The following THSD4 variants were observed in gnomAD, a reference collection of about 807,000 sequenced individuals.
THSD4 encodes the protein thrombospondin type-1 domain-containing protein 4.
THSD4 carries 69 observed loss-of-function variants against 119.0 expected under a neutral mutation model. The observed-to-expected ratio is 0.58, with a 90% confidence interval of 0.48 to 0.71. The LOEUF is 0.71. THSD4 is among the 30% of genes least tolerant of loss of function. THSD4 has a pLI of 0.00. For synonymous variants in THSD4, 524 were observed against 540.4 expected (o/e 0.97, Z 0.42); for missense variants, 1,393 against 1,391.1 (o/e 1.00, Z -0.02).
At chr15:71,332,891 C>CGTTTTTTTTTTTTTTTTTTTTTTTTT (rs1184457820) in intron 6 of THSD4, among the ~76,000 whole-genome samples, 1 of 38,034 alleles carries the variant, frequency 2.6e-5, no homozygotes, top group Non-Finnish European at 5.7e-5. Context: ...GATTTTTTTA[C>CGTTTTTTTTTTTTTTTTTTTTTTTTT]ATTTTTTTTT....
At chr15:71,234,907 C>T (rs891153669) in intron 4 of THSD4, among the ~76,000 whole-genome samples, 2 of 152,236 alleles carry the variant, frequency 1.3e-5, no homozygotes, top group Non-Finnish European at 2.9e-5. Flanking sequence ...GTCCTGCCAG[C>T]TCCCCAGGGC....
intron 3 of THSD4, among the ~76,000 whole-genome samples, chr15:71,173,248 A>G (rs1567145683): frequency 2.0e-5 from 3 of 152,166 alleles, no homozygotes; most frequent in African/African-American, 7.2e-5. Context: ...TGAAAAGCAA[A>G]TAAAGTAAAC....
chr15:71,728,805 A>C, intron 9 of THSD4, 81 bp downstream of exon 9: 1 of 1,543,432 alleles, frequency 6.5e-7, no homozygotes, highest in East Asian at 2.3e-5. Context: ...CAAATAAGCA[A>C]CAAATCATTG....
rs1392897691 is a variant in THSD4 at position 71,430,243 on chromosome 15, C to G, written c.1152+18420C>G. Among the ~76,000 whole-genome samples, 7 of 152,206 alleles carry G rather than the reference C, an allele frequency of 4.6e-5. No homozygotes were observed. In the East Asian group the frequency reaches 7.7e-4, roughly 17 times the overall value. ...CAGGGCTAGAATCTAACAACAGATGCACCATTGTTTTCTTCTGAAATGTAA... is the reference window on the plus strand; with the variant it reads ...CAGGGCTAGAATCTAACAACAGATGGACCATTGTTTTCTTCTGAAATGTAA... On this transcript the variant is annotated intron_variant, in intron 7 of 17. Transcript: ENST00000261862.
intron 6 of THSD4, among the ~76,000 whole-genome samples, chr15:71,295,037 T>A (rs1453330812): frequency 6.6e-6 from 1 of 151,940 alleles, no homozygotes; most frequent in Non-Finnish European, 1.5e-5. Context: ...GAGTGGCGCT[T>A]GCGTCAGGGA....
At chr15:71,365,901 T>C (rs2045955613) in intron 6 of THSD4, among the ~76,000 whole-genome samples, 1 of 152,180 alleles carries the variant, frequency 6.6e-6, no homozygotes, top group Admixed American at 6.5e-5. Context: ...CGCAAGTCAG[T>C]TACTAAAAGT....
rs1232744116 is a variant in THSD4, at chr15:71,487,824, T to C, written c.1152+76001T>C. Among the ~76,000 whole-genome samples, 4 of 152,180 alleles carry C rather than the reference T, an allele frequency of 2.6e-5. No homozygotes were observed. In the South Asian group the frequency reaches 6.2e-4, roughly 24 times the overall value. On this transcript the variant is annotated intron_variant, in intron 7 of 17. Coordinates refer to ENST00000261862, the MANE Select transcript of THSD4 (RefSeq NM_024817.3). ...TCCAATATATCTTGAATCTGGTTAT[T>C]GTTTATAAATATGAAAGTTATTGGC...
At chr15:71,561,648 A>G (rs2049119178) in intron 7 of THSD4, among the ~76,000 whole-genome samples, 1 of 152,134 alleles carries the variant, frequency 6.6e-6, no homozygotes, top group Non-Finnish European at 1.5e-5. Flanking sequence ...ACCAAATCTG[A>G]TGACCCACAG....
In THSD4 at chr15:71,217,713, A is replaced by G. The variant is rs28537357; in HGVS notation, c.464+2314A>G. Among the ~76,000 whole-genome samples the G allele has an allele frequency of 8.1e-3, 1,236 of 152,244 alleles. 21 individuals are homozygous for G. The highest frequency in any genetic ancestry group is 0.028 in the African/African-American group (1,150 of 41,540). Reference sequence around the variant, plus strand: ...AAAGGAAAGACAAATCTTGATTTTCAAAACTCTTAATTTTAGAATTGCAAA... The same window carrying G: ...AAAGGAAAGACAAATCTTGATTTTCGAAACTCTTAATTTTAGAATTGCAAA... On this transcript the variant is annotated intron_variant, in intron 4 of 17. Transcript: ENST00000261862.
At chr15:71,192,328 G>C (rs546614422) in intron 3 of THSD4, among the ~76,000 whole-genome samples, 68 of 152,068 alleles carry the variant, frequency 4.5e-4, no homozygotes, top group African/African-American at 1.6e-3. Flanking sequence ...TGTCACCCAG[G>C]CTGGTGTGCA....
chr15:71,293,042 T>C (rs2044814248), intron 6 of THSD4, among the ~76,000 whole-genome samples: 1 of 152,142 alleles, frequency 6.6e-6, no homozygotes, highest in Non-Finnish European at 1.5e-5. Context: ...CAAGTTCTTT[T>C]TGTGTTTGTG....
intron 7 of THSD4, among the ~76,000 whole-genome samples, chr15:71,515,014 T>A (rs1481810897): frequency 6.6e-6 from 1 of 152,228 alleles, no homozygotes; most frequent in Non-Finnish European, 1.5e-5. Flanking sequence ...TTTGCTCACT[T>A]TTTTTCAGTA....
At chr15:71,715,934 A>T (rs2052599393) in intron 8 of THSD4, among the ~76,000 whole-genome samples, 1 of 152,196 alleles carries the variant, frequency 6.6e-6, no homozygotes, top group Non-Finnish European at 1.5e-5. Flanking sequence ...GATAATAGGG[A>T]TGTGTATTAG....
intron 6 of THSD4, among the ~76,000 whole-genome samples, chr15:71,393,255 A>G (rs999208228): frequency 7.3e-5 from 11 of 151,400 alleles, no homozygotes; most frequent in African/African-American, 2.4e-4. Flanking sequence ...GCATATTTGG[A>G]CAGAACGTGT....
intron 7 of THSD4, among the ~76,000 whole-genome samples, chr15:71,633,233 A>T (rs1448238389): frequency 6.6e-6 from 1 of 151,650 alleles, no homozygotes; most frequent in African/African-American, 2.4e-5. Flanking sequence ...TTGAATCAAA[A>T]GCAGTATTTC....
intron 6 of THSD4, among the ~76,000 whole-genome samples, chr15:71,410,695 A>C (rs969603327): frequency 5.3e-5 from 8 of 152,210 alleles, no homozygotes; most frequent in Non-Finnish European, 1.2e-4. Context: ...CGGCCATTTA[A>C]AAAGGCATAC....
intron 6 of THSD4, among the ~76,000 whole-genome samples, chr15:71,314,135 G>A (rs990556026): frequency 1.1e-4 from 17 of 152,106 alleles, no homozygotes; most frequent in Non-Finnish European, 4.4e-5. Flanking sequence ...TTAGCCATAT[G>A]ATTATAGCCT....
intron 7 of THSD4, among the ~76,000 whole-genome samples, chr15:71,592,231 G>A (rs2049821074): frequency 1.3e-5 from 2 of 152,226 alleles, no homozygotes. Flanking sequence ...TCTTTTGGCA[G>A]GGAAACCATT....
chr15:71,154,990 G>T, intron 3 of THSD4, 58 bp downstream of exon 3: 1 of 1,547,758 alleles, frequency 6.5e-7, no homozygotes, highest in African/African-American at 1.4e-5. Flanking sequence ...GGCCACTGTG[G>T]TCACTGCCCT....
Sources: allele counts gnomAD v4.1 joint callset (sites outside exome capture counted in the v4.1 genomes callset), GRCh38; gene constraint gnomAD v4.1.1; transcripts MANE v1.5; gene names NCBI Gene and HGNC (gene_info 2026-07-23, HGNC 2026-07-21).